ERC2: variants seen among roughly 807,000 people sequenced by gnomAD.
ERC2 encodes ELKS/RAB6-interacting/CAST family member 2.
A neutral mutation model predicts 114.8 loss-of-function variants in ERC2; 42 were observed. The observed-to-expected ratio is 0.37, with a 90% CI of 0.29 to 0.47. ERC2 has a LOEUF of 0.47. Ranked by LOEUF, ERC2 falls within the 20% of genes least tolerant of loss-of-function variation. ERC2 has a pLI of 0.99. For synonymous variants in ERC2, 454 were observed against 425.5 expected, an observed-to-expected ratio of 1.07 and a Z score of -0.82; for missense variants, 939 against 1,150.7, an observed-to-expected ratio of 0.82 and a Z score of 2.66.
chr3:55,837,591 C>T (rs930147542), intron 14 of ERC2, among the ~76,000 whole-genome samples: 4 of 121,320 alleles, frequency 3.3e-5, no homozygotes, highest in Non-Finnish European at 6.5e-5. Context: ...ACATCACACT[C>T]TGGGGACTGT....
At chr3:56,079,899 T>C (rs6445766) in intron 7 of ERC2, among the ~76,000 whole-genome samples, 142,628 of 152,118 alleles carry the variant, frequency 0.94, 67,098 homozygotes, top group East Asian at 1. Flanking sequence ...TGAGAAATGA[T>C]GATAGCAGGT....
chr3:55,934,546 A>C (rs1293824362), intron 13 of ERC2, among the ~76,000 whole-genome samples: 1 of 152,212 alleles, frequency 6.6e-6, no homozygotes, highest in African/African-American at 2.4e-5. Context: ...CACAGCTGTG[A>C]AGTGCTAGAA....
intron 14 of ERC2, among the ~76,000 whole-genome samples, chr3:55,880,353 T>C (rs1261325598): frequency 2.0e-5 from 3 of 152,236 alleles, no homozygotes; most frequent in Non-Finnish European, 4.4e-5. Context: ...AGTTAAGTTT[T>C]ACTTACCCAC....
intron 13 of ERC2, among the ~76,000 whole-genome samples, chr3:55,915,528 T>C (rs2065042890): frequency 2.0e-5 from 3 of 152,196 alleles, no homozygotes; most frequent in Non-Finnish European, 1.5e-5. Context: ...ATGACAGCTA[T>C]ACATTTGGTT....
chr3:55,608,436 A>C (rs1006086065), intron 17 of ERC2, among the ~76,000 whole-genome samples: 1 of 152,286 alleles, frequency 6.6e-6, no homozygotes, highest in Admixed American at 6.5e-5. Context: ...ATCAGATTCA[A>C]TTGCTGACAG....
At chr3:55,903,327 A>G (rs1576115096) in intron 13 of ERC2, among the ~76,000 whole-genome samples, 1 of 152,262 alleles carries the variant, frequency 6.6e-6, no homozygotes, top group Non-Finnish European at 1.5e-5. Flanking sequence ...GTGATTAAAC[A>G]TAACTCTGCA....
At chr3:55,565,011 T>A (rs2056274388) in intron 17 of ERC2, among the ~76,000 whole-genome samples, 1 of 152,208 alleles carries the variant, frequency 6.6e-6, no homozygotes. Context: ...ACACTTCACT[T>A]ATAAACTCAG....
intron 14 of ERC2, among the ~76,000 whole-genome samples, chr3:55,831,771 C>A (rs909099250): frequency 2.0e-5 from 3 of 152,112 alleles, no homozygotes; most frequent in African/African-American, 7.2e-5. Context: ...GTGGGTACAA[C>A]GCACCGTGTG....
chr3:56,046,491 C>G (rs1458691149), intron 7 of ERC2, among the ~76,000 whole-genome samples: 1 of 152,160 alleles, frequency 6.6e-6, no homozygotes, highest in Non-Finnish European at 1.5e-5. Context: ...CTGTGAAAGG[C>G]TTCTTCAATG....
intron 12 of ERC2, among the ~76,000 whole-genome samples, chr3:55,980,839 C>A (rs989761337): frequency 2.0e-5 from 3 of 152,086 alleles, no homozygotes; most frequent in African/African-American, 7.2e-5. Flanking sequence ...CTGGGGCCAT[C>A]CTTCAATTTT....
At chr3:55,594,096 T>C (rs9311567) in intron 17 of ERC2, among the ~76,000 whole-genome samples, 4,403 of 152,246 alleles carry the variant, frequency 0.029, 213 homozygotes, top group African/African-American at 0.1. Flanking sequence ...CACTCAGATT[T>C]TTCCCCACCC....
intron 1 of ERC2, 92 bp from the exon 2 acceptor site, chr3:56,435,239 T>C: frequency 2.1e-6 from 1 of 468,980 alleles, no homozygotes. Flanking sequence ...ATGATAGATG[T>C]ACCTATGTAG....
intron 1 of ERC2, among the ~76,000 whole-genome samples, chr3:56,436,351 C>T (rs2107387877): frequency 1.3e-5 from 2 of 152,254 alleles, no homozygotes; most frequent in South Asian, 4.1e-4. Context: ...TATAAAACAC[C>T]TAGTTTTGTG....
At chr3:56,111,067 C>G (rs138929780) in intron 6 of ERC2, among the ~76,000 whole-genome samples, 12 of 152,198 alleles carry the variant, frequency 7.9e-5, no homozygotes, top group Admixed American at 2.0e-4. Context: ...CAATTGAGGG[C>G]ACATGACCTC....
At chr3:56,231,080 T>G (rs2316861) in intron 3 of ERC2, among the ~76,000 whole-genome samples, 1 of 151,976 alleles carries the variant, frequency 6.6e-6, no homozygotes, top group East Asian at 1.9e-4. Context: ...CTTAGACCTA[T>G]TTTAGTTGAA....
At chr3:56,242,677 C>T (rs183741777) in intron 3 of ERC2, among the ~76,000 whole-genome samples, 2,797 of 151,688 alleles carry the variant, frequency 0.018, 26 homozygotes, top group Middle Eastern at 0.044. Context: ...GTAAGAGAAA[C>T]TTGCATAGTT....
intron 14 of ERC2, among the ~76,000 whole-genome samples, chr3:55,801,329 C>A (rs1423610181): frequency 2.6e-5 from 4 of 152,184 alleles, no homozygotes; most frequent in Non-Finnish European, 4.4e-5. Flanking sequence ...TGTTTGGAAG[C>A]ACCTGAAGGG....
At chr3:55,803,553 A>AT (rs1043213932) in intron 14 of ERC2, among the ~76,000 whole-genome samples, 220 of 149,216 alleles carry the variant, frequency 1.5e-3, no homozygotes, top group African/African-American at 5.2e-3. Context: ...TAAAGGCATC[A>AT]TTTTTTTTTC....
At chr3:56,106,135 T>C (rs915414845) in intron 6 of ERC2, among the ~76,000 whole-genome samples, 11 of 152,226 alleles carry the variant, frequency 7.2e-5, no homozygotes, top group Admixed American at 2.6e-4. Flanking sequence ...GATAGGTGTC[T>C]AGTTTCTTAA....
Sources: gnomAD v4.1 joint callset for allele counts (sites outside exome capture counted in the v4.1 genomes callset) on GRCh38, gnomAD v4.1.1 for gene constraint, MANE v1.5 for transcripts, NCBI Gene and HGNC (gene_info 2026-07-23, HGNC 2026-07-21) for gene names.